ARID2: variants seen among roughly 807,000 people sequenced by gnomAD.
The protein encoded by ARID2 is AT-rich interaction domain 2, also known as AT-rich interactive domain-containing protein 2.
A neutral mutation model predicts 184.6 loss-of-function variants in ARID2; 32 were observed. The ratio of observed to expected loss-of-function variants is 0.17; its 90% CI spans 0.13 to 0.23. ARID2 has a LOEUF of 0.23. Ranked by LOEUF, ARID2 falls within the 10% of genes least tolerant of loss-of-function variation. The pLI is 1.00. For synonymous variants in ARID2, 836 were observed against 772.6 expected (o/e 1.08, Z -1.36); for missense variants, 1,696 against 2,197.6 (o/e 0.77, Z 4.56).
Position 45,906,030 on chromosome 12 carries a change from T to C in ARID2, c.*952T>C, listed in dbSNP as rs955523605. ...GTATGGAATAATATATCTCATGTCA[T>C]TTTTTAGAAGAAAAACTATTTGAAG... On this transcript the variant is annotated 3_prime_UTR_variant, in exon 21 of 21. Coordinates refer to ENST00000334344, the MANE Select transcript of ARID2 (RefSeq NM_152641.4). The C allele has an allele frequency of 5.6e-5, 13 of 231,340 alleles. No homozygotes were observed. Among genetic ancestry groups the C allele is most frequent in the Non-Finnish European group, 1.1e-4 (13 of 117,098 alleles). 14.3% of individuals were successfully genotyped at this position (231,340 alleles called of 1,614,324 possible).
At chr12:45,890,445 T>C (rs1013436579) in intron 16 of ARID2, among the ~76,000 whole-genome samples, 1 of 152,232 alleles carries the variant, frequency 6.6e-6, no homozygotes, top group Non-Finnish European at 1.5e-5. Context: ...ATTAATGATT[T>C]AATAGTATTT....
intron 16 of ARID2, among the ~76,000 whole-genome samples, chr12:45,864,457 C>A (rs1943802030): frequency 1.3e-5 from 2 of 151,286 alleles, no homozygotes; most frequent in East Asian, 1.9e-4. Context: ...AGTCTTAAAT[C>A]TCTTTTAATC....
At chr12:45,771,082 A>G (rs920954464) in intron 3 of ARID2, among the ~76,000 whole-genome samples, 15 of 152,218 alleles carry the variant, frequency 9.9e-5, no homozygotes, top group East Asian at 5.8e-4. Flanking sequence ...AAAAAGCACC[A>G]CCAGCGAAGG....
intron 4 of ARID2, among the ~76,000 whole-genome samples, chr12:45,812,787 G>A (rs1007279593): frequency 6.6e-6 from 1 of 152,144 alleles, no homozygotes; most frequent in African/African-American, 2.4e-5. Flanking sequence ...TTGTGCTAAT[G>A]ACCTTTAAAG....
chr12:45,796,025 T>C (rs1004720074), intron 3 of ARID2, among the ~76,000 whole-genome samples: 4 of 152,132 alleles, frequency 2.6e-5, no homozygotes, highest in African/African-American at 9.7e-5. Context: ...ATCTTTCTAA[T>C]GTACTAAGAA....
At chr12:45,820,084 A>G (rs11183212) in intron 5 of ARID2, among the ~76,000 whole-genome samples, 22,110 of 151,922 alleles carry the variant, frequency 0.15, 2,082 homozygotes, top group Middle Eastern at 0.21. Context: ...GGACAAAGAA[A>G]ACTTTGTCTG....
chr12:45,894,752 A>G (rs1199521837), intron 20 of ARID2, among the ~76,000 whole-genome samples: 1 of 152,216 alleles, frequency 6.6e-6, no homozygotes, highest in East Asian at 1.9e-4. Context: ...AGAAATATAA[A>G]GGTTTAGTAA....
intron 3 of ARID2, among the ~76,000 whole-genome samples, chr12:45,769,065 A>G (rs76562112): frequency 0.02 from 2,978 of 152,314 alleles, 99 homozygotes; most frequent in African/African-American, 0.068. Context: ...AATAACAGTA[A>G]CATACCCCAG....
intron 3 of ARID2, among the ~76,000 whole-genome samples, chr12:45,731,584 G>A (rs922738685): frequency 6.6e-6 from 1 of 152,132 alleles, no homozygotes; most frequent in Non-Finnish European, 1.5e-5. Context: ...TTGTGACATT[G>A]TTATTCATCG....
chr12:45,773,697 A>G (rs375038634), intron 3 of ARID2, among the ~76,000 whole-genome samples: 1 of 152,310 alleles, frequency 6.6e-6, no homozygotes, highest in African/African-American at 2.4e-5. Flanking sequence ...AAAAAAAGAC[A>G]ATGTAAATAG....
chr12:45,850,546 T>C lies in ARID2; in HGVS notation c.2423T>C (p.Ile808Thr), dbSNP rs888614502. The C allele has an allele frequency of 6.2e-7, 1 of 1,613,998 alleles. No homozygotes were observed. Among genetic ancestry groups the C allele is most frequent in the Non-Finnish European group, 8.5e-7 (1 of 1,180,008 alleles). ...CATATGTTTGGCAGAGTACAGAACA[T>C]ACCAGCATGTACTTCTACAGTTTCA... ...QSHMFGRVQN[I>T]PACTSTVSQG... The change falls in exon 15 of 21, where the codon ATA (isoleucine) becomes ACA (threonine). Residue 808 changes from isoleucine to threonine, a missense_variant. By Grantham distance (89) the Ile-to-Thr change is moderately conservative. Around this residue, in one of 11 missense-constraint regions of ARID2, gnomAD observed 713 missense variants for 824.4 expected, o/e 0.86. Transcript: ENST00000334344.
chr12:45,878,907 A>G (rs543745564), intron 16 of ARID2, among the ~76,000 whole-genome samples: 275 of 152,272 alleles, frequency 1.8e-3, no homozygotes, highest in Non-Finnish European at 3.4e-3. Context: ...AATTTAGGCT[A>G]TGTTTAATGT....
At chr12:45,866,799 G>A (rs752699556) in intron 16 of ARID2, among the ~76,000 whole-genome samples, 37 of 152,244 alleles carry the variant, frequency 2.4e-4, no homozygotes, top group Non-Finnish European at 3.2e-4. Flanking sequence ...TATAGGAATG[G>A]TACATTTGTT....
intron 3 of ARID2, among the ~76,000 whole-genome samples, chr12:45,804,330 C>T (rs1942559521): frequency 6.6e-6 from 1 of 152,006 alleles, no homozygotes; most frequent in African/African-American, 2.4e-5. Flanking sequence ...CCTTTGTTTA[C>T]ATAATGTCAT....
intron 3 of ARID2, among the ~76,000 whole-genome samples, chr12:45,763,025 A>C (rs1234263159): frequency 6.6e-6 from 1 of 152,230 alleles, no homozygotes; most frequent in Admixed American, 6.5e-5. Flanking sequence ...TACTGTGCTA[A>C]GTGTTTTATG....
At chr12:45,804,292 C>T (rs545051180) in intron 3 of ARID2, among the ~76,000 whole-genome samples, 1 of 152,196 alleles carries the variant, frequency 6.6e-6, no homozygotes, top group South Asian at 2.1e-4. Context: ...AAGCATGCGG[C>T]TTCATTTTAT....
chr12:45,835,123 G>T (rs1016070769), intron 6 of ARID2, among the ~76,000 whole-genome samples: 7 of 151,892 alleles, frequency 4.6e-5, no homozygotes, highest in South Asian at 2.1e-4. Context: ...TCACTCTTGG[G>T]TTGTATCTAA....
At chr12:45,832,568 G>T (rs902916213) in intron 6 of ARID2, among the ~76,000 whole-genome samples, 1 of 151,736 alleles carries the variant, frequency 6.6e-6, no homozygotes, top group Non-Finnish European at 1.5e-5. Context: ...CCTTGAACAC[G>T]TGAGTTCAAG....
At chr12:45,809,422 A>G (rs1397753722) in intron 3 of ARID2, among the ~76,000 whole-genome samples, 1 of 152,166 alleles carries the variant, frequency 6.6e-6, no homozygotes, top group Non-Finnish European at 1.5e-5. Flanking sequence ...TGCTTTAGCA[A>G]TTTAAAAAGA....
Sources: allele counts gnomAD v4.1 joint callset (sites outside exome capture counted in the v4.1 genomes callset), GRCh38; gene constraint gnomAD v4.1.1; regional missense constraint gnomAD v4.1.1; transcripts MANE v1.5; gene names NCBI Gene and HGNC (gene_info 2026-07-23, HGNC 2026-07-21).